KRABD5: variants seen among roughly 807,000 people sequenced by gnomAD.
KRABD5 encodes KRAB domain containing 5, also known as KRAB domain-containing protein 5.
At chr16:31,713,273 A>C in the KRABD5 span, 8 of 951,612 alleles carry the variant, frequency 8.4e-6, no homozygotes, top group Middle Eastern at 2.4e-4. Context: ...TGTTGGCTGC[A>C]GTAAGAGCTC....
chr16:31,736,038 C>T, the KRABD5 span, among the ~76,000 whole-genome samples: 1 of 152,154 alleles, frequency 6.6e-6, no homozygotes, highest in East Asian at 1.9e-4. Context: ...TAGGGCATTA[C>T]ATTTAAGTCT....
the KRABD5 span, among the ~76,000 whole-genome samples, chr16:31,730,854 C>T: frequency 2.6e-5 from 4 of 151,642 alleles, no homozygotes; most frequent in East Asian, 1.9e-4. Context: ...TTTCATTGTT[C>T]GCTTTAGTTC....
chr16:31,759,588 G>A, the KRABD5 span: 2 of 612,474 alleles, frequency 3.3e-6, no homozygotes, highest in Admixed American at 2.3e-5. Flanking sequence ...GGTAGGGAAA[G>A]GGTTGAAGTA....
At chr16:31,751,974 A>G in the KRABD5 span, among the ~76,000 whole-genome samples, 194 of 152,278 alleles carry the variant, frequency 1.3e-3, 9 homozygotes, top group South Asian at 0.012. Context: ...CACTTATTTC[A>G]AAGAACTTTT....
At chr16:31,757,846 GTAGGTAGATAGATAGA>G in the KRABD5 span, 35 of 96,092 alleles carry the variant, frequency 3.6e-4, no homozygotes, top group African/African-American at 1.2e-3. Context: ...AGGTAGGTAG[GTAGGTAGATAGATAGA>G]TAGATAGATA....
chr16:31,717,580 T>C, the KRABD5 span, among the ~76,000 whole-genome samples: 33 of 152,344 alleles, frequency 2.2e-4, no homozygotes, highest in African/African-American at 7.0e-4. Flanking sequence ...AGGTCTTCTA[T>C]TGAGGACTAA....
At chr16:31,742,193 C>CAA in the KRABD5 span, among the ~76,000 whole-genome samples, 422 of 145,880 alleles carry the variant, frequency 2.9e-3, no homozygotes, top group Middle Eastern at 3.5e-3. Flanking sequence ...TTTATTTCCT[C>CAA]AAAAAAAAAA....
At chr16:31,732,788 G>A in the KRABD5 span, among the ~76,000 whole-genome samples, 2 of 152,066 alleles carry the variant, frequency 1.3e-5, no homozygotes, top group Non-Finnish European at 1.5e-5. Flanking sequence ...TTTCTCATTA[G>A]AGCTAATTAT....
the KRABD5 span, among the ~76,000 whole-genome samples, chr16:31,730,139 T>TTTAG: frequency 6.6e-6 from 1 of 152,200 alleles, no homozygotes; most frequent in Non-Finnish European, 1.5e-5. Context: ...TGTTTTCATA[T>TTTAG]TTAGTTAGCA....
At chr16:31,747,834 GTTGT>G in the KRABD5 span, among the ~76,000 whole-genome samples, 2 of 152,120 alleles carry the variant, frequency 1.3e-5, no homozygotes, top group African/African-American at 4.8e-5. Flanking sequence ...TTTTGATGGG[GTTGT>G]TTGTTTTTTT....
At chr16:31,715,088 G>A in the KRABD5 span, among the ~76,000 whole-genome samples, 1 of 152,158 alleles carries the variant, frequency 6.6e-6, no homozygotes, top group Non-Finnish European at 1.5e-5. Flanking sequence ...CCTGATCAGA[G>A]AATGTTTCAC....
the KRABD5 span, among the ~76,000 whole-genome samples, chr16:31,740,546 G>A: frequency 6.6e-6 from 1 of 151,984 alleles, no homozygotes; most frequent in Non-Finnish European, 1.5e-5. Flanking sequence ...AGTGGTGTGT[G>A]CATGTAATCC....
the KRABD5 span, among the ~76,000 whole-genome samples, chr16:31,715,518 G>C: frequency 6.6e-6 from 1 of 152,122 alleles, no homozygotes; most frequent in African/African-American, 2.4e-5. Flanking sequence ...ATAATAAACT[G>C]GTCAATGCAA....
the KRABD5 span, chr16:31,753,795 T>C: frequency 6.5e-7 from 1 of 1,529,070 alleles, no homozygotes. Context: ...TCAAGGCCTC[T>C]TAAGAAAGAA....
At chr16:31,741,039 T>C in the KRABD5 span, among the ~76,000 whole-genome samples, 1 of 152,172 alleles carries the variant, frequency 6.6e-6, no homozygotes, top group Non-Finnish European at 1.5e-5. Context: ...ATGTACCTAA[T>C]GTTTAGTTCC....
the KRABD5 span, chr16:31,753,996 C>T: frequency 7.0e-7 from 1 of 1,423,904 alleles, no homozygotes; most frequent in Non-Finnish European, 9.7e-7. Context: ...AGGTCAAAAA[C>T]ATGAAAAAAC....
chr16:31,732,044 G>T, the KRABD5 span, among the ~76,000 whole-genome samples: 3 of 152,214 alleles, frequency 2.0e-5, no homozygotes, highest in African/African-American at 7.2e-5. Context: ...TGGATTCTTG[G>T]AAGATTTTTT....
the KRABD5 span, chr16:31,722,778 T>C: frequency 1.3e-6 from 2 of 1,551,026 alleles, no homozygotes; most frequent in East Asian, 2.3e-5. Context: ...CTTTGGAATA[T>C]CTAATATCTA....
chr16:31,761,008 C>G, the KRABD5 span: 4 of 152,176 alleles, frequency 2.6e-5, no homozygotes, highest in African/African-American at 4.8e-5. Flanking sequence ...GTGGCACTCT[C>G]CAGAACCTCA....
Sources: allele counts gnomAD v4.1 joint callset (sites outside exome capture counted in the v4.1 genomes callset), GRCh38; gene constraint gnomAD v4.1.1; transcripts MANE v1.5; gene names NCBI Gene and HGNC (gene_info 2026-07-23, HGNC 2026-07-21).